Variants in TCF20 observed in about 807,000 individuals in gnomAD.
The protein encoded by TCF20 is transcription factor 20.
TCF20 carries 3 observed loss-of-function variants against 148.6 expected under a neutral mutation model. The ratio of observed to expected loss-of-function variants is 0.02; its 90% confidence interval spans 0.01 to 0.05. The LOEUF is 0.05. TCF20 is among the 10% of genes least tolerant of loss of function. TCF20 has a pLI of 1.00. For synonymous variants in TCF20, 1,049 were observed against 909.5 expected (o/e 1.15, Z -2.76); for missense variants, 2,350 against 2,429.3 (o/e 0.97, Z 0.69).
At chr22:42,207,208 G>A (rs1021504312) in intron 2 of TCF20, among the ~76,000 whole-genome samples, 5 of 152,230 alleles carry the variant, frequency 3.3e-5, no homozygotes, top group Non-Finnish European at 4.4e-5. Context: ...ACAGGCGGGA[G>A]ATTGTCAAAG....
At chr22:42,250,653 C>T (rs1925289206) in intron 1 of TCF20, among the ~76,000 whole-genome samples, 2 of 152,146 alleles carry the variant, frequency 1.3e-5, no homozygotes. Context: ...AAATGTAACA[C>T]CCATGCAACT....
At position 42,214,263 on chromosome 22, in the gene TCF20, T is replaced by C. The variant is rs1193666613; in HGVS notation, c.1043A>G (p.Asn348Ser). 1.9e-6 allele frequency: 3 copies of C among 1,614,198 alleles called. No individual in the cohort carries two copies. The highest frequency in any genetic ancestry group is 1.1e-5 in the South Asian group (1 of 91,080). The change falls in exon 2 of 6, where the codon AAC (asparagine) becomes AGC (serine). Residue 348 changes from asparagine (N) to serine (S), a missense_variant. Around this residue, in one of 7 missense-constraint regions of TCF20, gnomAD observed 1,641 missense variants for 1,662.6 expected, o/e 0.99. Coordinates refer to ENST00000677622, the MANE Select transcript of TCF20 (RefSeq NM_001378418.1). ...GGACCTCACAGGAACCTCAGGCTGGTTGTACTGCCCCACTTGGCTTTGCAG... is the reference window on the plus strand; with the variant it reads ...GGACCTCACAGGAACCTCAGGCTGGCTGTACTGCCCCACTTGGCTTTGCAG... ...LPLQSQVGQY[N>S]QPEVPVRSPM...
At chr22:42,251,843 T>C (rs1197417292) in intron 1 of TCF20, among the ~76,000 whole-genome samples, 1 of 152,112 alleles carries the variant, frequency 6.6e-6, no homozygotes, top group Non-Finnish European at 1.5e-5. Flanking sequence ...AATTATTTTT[T>C]CCAGAATTAT....
chr22:42,209,473 C>T (rs979327303), intron 2 of TCF20, among the ~76,000 whole-genome samples, 178 bp downstream of exon 2: 1 of 152,108 alleles, frequency 6.6e-6, no homozygotes, highest in East Asian at 1.9e-4. Flanking sequence ...AAATGAAAAA[C>T]GATTTTAGAA....
At chr22:42,230,470 T>C (rs1923298633) in intron 1 of TCF20, among the ~76,000 whole-genome samples, 1 of 152,210 alleles carries the variant, frequency 6.6e-6, no homozygotes, top group African/African-American at 2.4e-5. Context: ...GTATACTATG[T>C]ATTCTACTTA....
intron 5 of TCF20, among the ~76,000 whole-genome samples, chr22:42,165,599 A>G (rs1935735634): frequency 6.6e-6 from 1 of 152,188 alleles, no homozygotes; most frequent in African/African-American, 2.4e-5. Context: ...CAGATACCTC[A>G]CAGGCTGGGA....
In TCF20 at chr22:42,210,335, C is replaced by G; in HGVS notation, c.4971G>C (p.Gln1657His). The change falls in exon 2 of 6, where the codon CAG becomes CAC. Residue 1657 changes from glutamine to histidine, a missense_variant. Around this residue, in one of 7 missense-constraint regions of TCF20, gnomAD observed 374 missense variants for 398.3 expected, o/e 0.94. Transcript: ENST00000677622. The surrounding 1 kb of genome is among the most constrained non-coding windows in gnomAD (Gnocchi z 4.7). ...CCTTCCTGCCCCTCACTAATTTGGT[C>G]TGTTCTTCTTCCTCAGCATTGATGA... The part of the protein sequence containing the change: ...CTIINAEEEE[Q>H]TKLVRGRKGQ... 1 of 1,614,240 alleles carries G rather than the reference C, an allele frequency of 6.2e-7. No individual in the cohort carries two copies. Among genetic ancestry groups the G allele is most frequent in the South Asian group, 1.1e-5 (1 of 91,090 alleles).
chr22:42,201,114 T>TCCTG (rs1176801551), intron 2 of TCF20, among the ~76,000 whole-genome samples: 1 of 152,206 alleles, frequency 6.6e-6, no homozygotes, highest in Non-Finnish European at 1.5e-5. Flanking sequence ...TCTGTCTTGC[T>TCCTG]CCTGCCATGC....
intron 2 of TCF20, among the ~76,000 whole-genome samples, chr22:42,187,865 T>C (rs73169115): frequency 0.011 from 1,671 of 152,316 alleles, 20 homozygotes; most frequent in Non-Finnish European, 0.015. Flanking sequence ...CTTTATACAA[T>C]GGACTTACTC....
chr22:42,180,115 G>A (rs927684916), intron 2 of TCF20, among the ~76,000 whole-genome samples: 1 of 152,202 alleles, frequency 6.6e-6, no homozygotes, highest in African/African-American at 2.4e-5. Context: ...TCTGGGGTAA[G>A]AGAGGGTAAG....
chr22:42,196,141 G>C (rs1038711514), intron 2 of TCF20, among the ~76,000 whole-genome samples: 1 of 152,222 alleles, frequency 6.6e-6, no homozygotes, highest in Non-Finnish European at 1.5e-5. Flanking sequence ...TAAGGTCTCA[G>C]AGGTCTGTCC....
chr22:42,161,467 C>T lies in TCF20; in HGVS notation c.*45-109G>A. 4 of 1,424,416 alleles carry T rather than the reference C, an allele frequency of 2.8e-6. No individual in the cohort carries two copies. The South Asian group carries it at 3.5e-5, about 13-fold the overall frequency. The allele number at this position is 1,424,416 out of a possible 1,614,324, so 88.2% of individuals were successfully genotyped here. On this transcript the variant is annotated intron_variant, in intron 5 of 5. Transcript: ENST00000677622. The stretch of plus-strand genomic sequence containing the variant: ...GAGCTTTCAGCAGGGAGCCTGCACT[C>T]ACGCCCCTCTGCAGATGTGCTGCTG...
At chr22:42,197,181 A>G (rs1569129251) in intron 2 of TCF20, among the ~76,000 whole-genome samples, 1 of 152,296 alleles carries the variant, frequency 6.6e-6, no homozygotes, top group East Asian at 1.9e-4. Flanking sequence ...GTAGCTCATA[A>G]TATTTGCTTC....
At chr22:42,198,828 A>AT (rs560536580) in intron 2 of TCF20, among the ~76,000 whole-genome samples, 415 of 151,772 alleles carry the variant, frequency 2.7e-3, no homozygotes, top group African/African-American at 9.0e-3. Context: ...CGTCCAGCTA[A>AT]TTTTTTTTGT....
chr22:42,230,507 T>TG (rs1923302774), intron 1 of TCF20, among the ~76,000 whole-genome samples: 2 of 152,134 alleles, frequency 1.3e-5, no homozygotes, highest in Admixed American at 6.5e-5. Flanking sequence ...AAGCTGGGTG[T>TG]GGGAGCATGT....
At chr22:42,221,524 T>A (rs1413874384) in intron 1 of TCF20, among the ~76,000 whole-genome samples, 1 of 152,190 alleles carries the variant, frequency 6.6e-6, no homozygotes, top group Non-Finnish European at 1.5e-5. Flanking sequence ...GAGACTTCTA[T>A]TTCATGCACT....
chr22:42,336,126 G>T lies in TCF20; in HGVS notation c.-37+7353C>A, dbSNP rs958902594. Among the ~76,000 whole-genome samples the T allele has an allele frequency of 6.6e-5, 10 of 152,334 alleles. No homozygotes were observed. In the East Asian group the frequency reaches 1.9e-3, roughly 29 times the overall value. On this transcript the variant is annotated intron_variant, in intron 1 of 1. Coordinates refer to the TCF20 transcript ENST00000515426. ...GGTTGGGTGAACTCCTCATTGCAGAGGATGGCACGGCTGCAGGCAGCAGGA... is the reference window on the plus strand; with the variant it reads ...GGTTGGGTGAACTCCTCATTGCAGATGATGGCACGGCTGCAGGCAGCAGGA...
chr22:42,296,066 G>T (rs772680145), intron 1 of TCF20, among the ~76,000 whole-genome samples: 1 of 152,212 alleles, frequency 6.6e-6, no homozygotes, highest in South Asian at 2.1e-4. Flanking sequence ...GTAAAATGGG[G>T]GTAAGAACAG....
At chr22:42,274,936 T>C (rs1926740069), upstream of TCF20, 1 of 152,308 alleles carries the variant, frequency 6.6e-6, no homozygotes, top group African/African-American at 2.4e-5. Flanking sequence ...CCAGTTCTTC[T>C]TATTTGCAGC....
Sources: allele counts gnomAD v4.1 joint callset (sites outside exome capture counted in the v4.1 genomes callset), GRCh38; gene constraint gnomAD v4.1.1; regional missense constraint gnomAD v4.1.1; non-coding constraint Gnocchi (gnomAD v3.1); transcripts MANE v1.5; gene names NCBI Gene and HGNC (gene_info 2026-07-23, HGNC 2026-07-21).